Variants in ORC1 observed in about 807,000 individuals in gnomAD.
ORC1 encodes origin recognition complex, subunit 1 homolog.
In ORC1, 61 loss-of-function variants were observed where a neutral mutation model predicts 98.9. The ratio of observed to expected loss-of-function variants is 0.62; its 90% CI spans 0.50 to 0.76. The LOEUF (loss-of-function observed/expected upper bound fraction) is 0.76. ORC1 is among the 30% of genes least tolerant of loss of function. The pLI is 0.00. For synonymous variants in ORC1, 385 were observed against 406.9 expected (o/e 0.95, Z 0.65); for missense variants, 979 against 1,072.2 (o/e 0.91, Z 1.21).
intron 6 of ORC1, among the ~76,000 whole-genome samples, chr1:52,392,622 C>A (rs1647244297): frequency 6.6e-6 from 1 of 152,128 alleles, no homozygotes; most frequent in Admixed American, 6.5e-5. Flanking sequence ...ATGTTTATAG[C>A]AGTACAATTT....
chr1:52,382,309 G>A (rs910603811), intron 13 of ORC1, among the ~76,000 whole-genome samples: 1 of 152,012 alleles, frequency 6.6e-6, no homozygotes, highest in African/African-American at 2.4e-5. Context: ...GAGCCACCAC[G>A]CCCGGCCTAA....
chr1:52,407,461 T>A (rs1247213265), upstream of ORC1, among the ~76,000 whole-genome samples: 1 of 152,260 alleles, frequency 6.6e-6, no homozygotes, highest in East Asian at 1.9e-4. Context: ...ATCTCCGTTT[T>A]ACAAGGATTG....
chr1:52,385,259 C>T lies in ORC1; in HGVS notation c.1485G>A (p.Leu495=). 6.2e-7 allele frequency: 1 copy of T among 1,605,784 alleles called. No individual in the cohort carries two copies. Among genetic ancestry groups the T allele is most frequent in the East Asian group, 2.2e-5 (1 of 44,844 alleles). The change falls in exon 10 of 17, where the codon CTG becomes CTA. Residue 495 remains leucine (L), a synonymous_variant. Coordinates refer to ENST00000371568, the MANE Select transcript of ORC1 (RefSeq NM_004153.4). The stretch of plus-strand genomic sequence containing the variant: ...GAGACTCAGGTACAGCAGAAACATG[C>T]AGCCTACCATTGGTGGTAAACGGGA... ...ASVLEEARLR[L]HVSAVPESLP...
intron 10 of ORC1, among the ~76,000 whole-genome samples, 180 bp from the exon 11 acceptor site, chr1:52,384,901 T>C (rs941441245): frequency 3.3e-5 from 5 of 152,130 alleles, no homozygotes; most frequent in African/African-American, 9.7e-5. Flanking sequence ...TATAGAATCA[T>C]TCATTCCACA....
intron 14 of ORC1, among the ~76,000 whole-genome samples, chr1:52,380,005 A>G (rs1184223873): frequency 1.3e-5 from 2 of 152,216 alleles, no homozygotes; most frequent in Non-Finnish European, 2.9e-5. Flanking sequence ...GGTCCTAGGA[A>G]TGCTAGGCAT....
At chr1:52,399,865 T>G (rs1001256376) in intron 3 of ORC1, among the ~76,000 whole-genome samples, 1 of 151,562 alleles carries the variant, frequency 6.6e-6, no homozygotes, top group Admixed American at 6.6e-5. Flanking sequence ...ACCACTGAGA[T>G]GACTTCTGGC....
chr1:52,386,963 A>C (rs911549278), intron 8 of ORC1, among the ~76,000 whole-genome samples: 3 of 152,232 alleles, frequency 2.0e-5, no homozygotes, highest in Admixed American at 6.5e-5. Flanking sequence ...TCAAAAAAAA[A>C]CAAAAAGGCC....
upstream of ORC1, chr1:52,404,842 G>A (rs543375321): frequency 1.9e-6 from 3 of 1,614,256 alleles, no homozygotes; most frequent in East Asian, 2.2e-5. Flanking sequence ...GAATCTATGA[G>A]TCCAAGTACT....
upstream of ORC1, chr1:52,405,001 C>T (rs1647934745): frequency 2.4e-6 from 3 of 1,239,284 alleles, no homozygotes; most frequent in African/African-American, 1.5e-5. Flanking sequence ...GTCGATCATT[C>T]AGAAAAATTT....
upstream of ORC1, among the ~76,000 whole-genome samples, chr1:52,405,279 T>C (rs1647946991): frequency 6.6e-6 from 1 of 152,242 alleles, no homozygotes; most frequent in Non-Finnish European, 1.5e-5. Flanking sequence ...GGTTCCAGTA[T>C]TTATAAATAT....
chr1:52,384,968 C>G (rs1647124130), intron 10 of ORC1, among the ~76,000 whole-genome samples, 193 bp downstream of exon 10: 1 of 152,166 alleles, frequency 6.6e-6, no homozygotes, highest in African/African-American at 2.4e-5. Context: ...TTCATTCTTT[C>G]TGAAAGGCAA....
At chr1:52,386,551 C>T (rs1647145529) in intron 8 of ORC1, among the ~76,000 whole-genome samples, 1 of 152,194 alleles carries the variant, frequency 6.6e-6, no homozygotes, top group African/African-American at 2.4e-5. Flanking sequence ...CATGGCGTTT[C>T]TACAAAGCAT....
Position 52,385,872 on chromosome 1 carries a change from C to T in ORC1, c.1461G>A (p.Val487=). The change falls in exon 9 of 17, where the codon GTG becomes GTA. Residue 487 remains valine (V), a synonymous_variant. Transcript: ENST00000371568. The part of the protein sequence containing the change: ...RSLAAQEPAS[V]LEEARLRLHV... ...AGTACCTCAGTCGGGCTTCCTCCAG[C>T]ACACTGGCTGGCTCCTGGGCAGCCA... 1 of 1,613,744 alleles carries T rather than the reference C, an allele frequency of 6.2e-7. No homozygotes were observed. Among genetic ancestry groups the T allele is most frequent in the East Asian group, 2.2e-5 (1 of 44,878 alleles).
chr1:52,395,296 A>G (rs1647343315), intron 5 of ORC1, among the ~76,000 whole-genome samples: 1 of 152,206 alleles, frequency 6.6e-6, no homozygotes, highest in African/African-American at 2.4e-5. Context: ...GTATACATAT[A>G]TGTATATGTA....
At chr1:52,389,467 AGTTGGC>A in intron 6 of ORC1, 146 bp from the exon 7 acceptor site, 1 of 678,386 alleles carries the variant, frequency 1.5e-6, no homozygotes, top group Non-Finnish European at 2.6e-6. Context: ...TCTGCTAAAA[AGTTGGC>A]AAAAAATTAT....
intron 15 of ORC1, 150 bp from the exon 16 acceptor site, chr1:52,375,047 CCAAACTCT>C (rs1205302531): frequency 4.6e-6 from 3 of 658,598 alleles, no homozygotes; most frequent in Non-Finnish European, 8.1e-6. Flanking sequence ...TCCCTGACCC[CCAAACTCT>C]CAAACTGATA....
At chr1:52,378,647 G>C (rs1366980926) in intron 14 of ORC1, among the ~76,000 whole-genome samples, 1 of 151,102 alleles carries the variant, frequency 6.6e-6, no homozygotes, top group Non-Finnish European at 1.5e-5. Flanking sequence ...CTGGGTCACA[G>C]AGCAAGACTG....
chr1:52,405,601 A>G (rs1210746333), upstream of ORC1: 1 of 1,368,548 alleles, frequency 7.3e-7, no homozygotes, highest in Non-Finnish European at 1.0e-6. Flanking sequence ...TATTTAGGAG[A>G]ACCAAAGCTT....
chr1:52,373,278 C>T lies in ORC1; in HGVS notation c.2489G>A (p.Arg830His), dbSNP rs751699809. 4.3e-5 allele frequency: 69 copies of T among 1,614,060 alleles called. No homozygotes were observed. The highest frequency in any genetic ancestry group is 5.3e-5 in the Non-Finnish European group (63 of 1,180,034). Residue 830 changes from arginine (R) to histidine (H), a missense_variant, in exon 17 of 17, where the codon CGC (arginine) becomes CAC (histidine). Arg to His is a conservative substitution (Grantham distance 29, BLOSUM62 0). Transcript: ENST00000371568. The stretch of plus-strand genomic sequence containing the variant: ...CCTGCTGGGCTCCACAAGCAGGAGG[C>T]GACAGGAGCCCAGGTGAGAACACAC... ...MAVCSHLGSC[R>H]LLLVEPSRND...
Sources: allele counts gnomAD v4.1 joint callset (sites outside exome capture counted in the v4.1 genomes callset), GRCh38; gene constraint gnomAD v4.1.1; transcripts MANE v1.5; gene names NCBI Gene and HGNC (gene_info 2026-07-23, HGNC 2026-07-21).